The following PSMA6 variants were observed in gnomAD, a reference collection of about 807,000 sequenced individuals.
PSMA6 encodes proteasome subunit alpha type-6.
For missense variants in PSMA6, 170 were observed against 294.8 expected (o/e 0.58, Z 3.10); for synonymous variants, 88 against 97.7 (o/e 0.90, Z 0.59).
At chr14:35,312,199 TAAA>T (rs35606504) in intron 4 of PSMA6, among the ~76,000 whole-genome samples, 24 of 97,384 alleles carry the variant, frequency 2.5e-4, no homozygotes, top group Admixed American at 3.3e-4. Flanking sequence ...CCTCGTCTCC[TAAA>T]AAAAAAAAAA....
intron 5 of PSMA6, chr14:35,314,127 T>C: frequency 3.9e-6 from 1 of 257,284 alleles, no homozygotes; most frequent in Non-Finnish European, 7.2e-6. Context: ...TAAACCTTTT[T>C]GTATAAATCA....
At chr14:35,283,088 C>T (rs928809502) in intron 1 of PSMA6, among the ~76,000 whole-genome samples, 1 of 152,008 alleles carries the variant, frequency 6.6e-6, no homozygotes, top group Admixed American at 6.5e-5. Context: ...CAGGTGTTCA[C>T]TCACCTTGGC....
chr14:35,292,241 G>A (rs573054716), upstream of PSMA6: 168 of 1,250,610 alleles, frequency 1.3e-4, 2 homozygotes, highest in African/African-American at 2.1e-3. Flanking sequence ...GGCCTGCTTG[G>A]CGCAGGCGCA....
intron 1 of PSMA6, among the ~76,000 whole-genome samples, chr14:35,279,958 A>T (rs2051347752): frequency 6.7e-6 from 1 of 149,738 alleles, no homozygotes; most frequent in Non-Finnish European, 1.5e-5. Flanking sequence ...CCCCGTCTCT[A>T]CTAAAAACAC....
chr14:35,291,990 C>T (rs1308081063), upstream of PSMA6, among the ~76,000 whole-genome samples: 3 of 152,100 alleles, frequency 2.0e-5, no homozygotes, highest in African/African-American at 7.2e-5. Context: ...CCTGTTTCCC[C>T]CGTAATAGGA....
chr14:35,298,455 A>T (rs935201100), intron 1 of PSMA6, among the ~76,000 whole-genome samples: 11 of 151,782 alleles, frequency 7.2e-5, no homozygotes, highest in Admixed American at 4.6e-4. Context: ...GCACTGCTGC[A>T]CTCTAGCCTG....
At chr14:35,310,330 G>A (rs975498711) in intron 3 of PSMA6, 2 of 361,934 alleles carry the variant, frequency 5.5e-6, no homozygotes, top group African/African-American at 4.4e-5. Flanking sequence ...CTAATTTTAT[G>A]TTTTTAGTAG....
At chr14:35,301,817 T>C (rs1428254498) in intron 1 of PSMA6, among the ~76,000 whole-genome samples, 1 of 152,232 alleles carries the variant, frequency 6.6e-6, no homozygotes, top group Non-Finnish European at 1.5e-5. Flanking sequence ...CCTTTTGCAT[T>C]ATTTAAGCAA....
intron 1 of PSMA6, among the ~76,000 whole-genome samples, chr14:35,306,602 G>A (rs1199479960): frequency 6.6e-6 from 1 of 152,042 alleles, no homozygotes; most frequent in East Asian, 1.9e-4. Flanking sequence ...TACTCAGGAC[G>A]AGGCCGAGGC....
At chr14:35,286,621 A>G (rs901079624) in intron 1 of PSMA6, among the ~76,000 whole-genome samples, 4 of 152,182 alleles carry the variant, frequency 2.6e-5, no homozygotes, top group Admixed American at 2.0e-4. Flanking sequence ...TTTTGGCTCT[A>G]TAGAGGGGTT....
In PSMA6 at chr14:35,309,002, A is replaced by AATCTGTAGATATACAAGAC. The variant is rs769305081; in HGVS notation, c.253+25_253+43dup. ...GTGATGACCGGAATGACAGGTAATTAATCTGTAGATATACAAGACATCTGT... is the reference window on the plus strand; with the variant it reads ...GTGATGACCGGAATGACAGGTAATTAATCTGTAGATATACAAGACATCTGTAGATATACAAGACATCTGT... On this transcript the variant is annotated splice_region_variant and intron_variant, in intron 3 of 6. Coordinates refer to ENST00000261479, the MANE Select transcript of PSMA6 (RefSeq NM_002791.3). The AATCTGTAGATATACAAGAC allele has an allele frequency of 6.4e-7, 1 of 1,567,260 alleles. No individual in the cohort carries two copies. Among genetic ancestry groups the AATCTGTAGATATACAAGAC allele is most frequent in the South Asian group, 1.1e-5 (1 of 89,044 alleles).
intron 1 of PSMA6, among the ~76,000 whole-genome samples, chr14:35,284,854 T>C (rs1382645555): frequency 6.6e-6 from 1 of 152,234 alleles, no homozygotes; most frequent in Non-Finnish European, 1.5e-5. Flanking sequence ...TACTTGGTAC[T>C]GTGGTAACTG....
At chr14:35,283,482 G>T (rs2051389957) in intron 1 of PSMA6, among the ~76,000 whole-genome samples, 1 of 151,208 alleles carries the variant, frequency 6.6e-6, no homozygotes, top group South Asian at 2.1e-4. Context: ...GGTTGTGGAT[G>T]ATTTTTACTT....
At chr14:35,312,784 A>C in intron 4 of PSMA6, 97 bp from the exon 5 acceptor site, 1 of 1,145,066 alleles carries the variant, frequency 8.7e-7, no homozygotes, top group Non-Finnish European at 1.2e-6. Flanking sequence ...TTGATGGCCA[A>C]AGTCATGATT....
At chr14:35,278,737 C>T (rs1046988328) in intron 1 of PSMA6, 4 of 1,533,508 alleles carry the variant, frequency 2.6e-6, no homozygotes, top group South Asian at 1.2e-5. Context: ...CTCACTCAGA[C>T]TTGTTGCTTG....
At chr14:35,282,230 A>G (rs2138700955) in intron 1 of PSMA6, among the ~76,000 whole-genome samples, 1 of 152,268 alleles carries the variant, frequency 6.6e-6, no homozygotes, top group African/African-American at 2.4e-5. Flanking sequence ...GAAGTAAATA[A>G]CTGTAATTTA....
intron 1 of PSMA6, among the ~76,000 whole-genome samples, chr14:35,303,914 T>C (rs999894274): frequency 6.6e-6 from 1 of 152,140 alleles, no homozygotes; most frequent in Middle Eastern, 3.2e-3. Flanking sequence ...TCTTTCTTTT[T>C]TTTTTTTTAA....
intron 1 of PSMA6, among the ~76,000 whole-genome samples, chr14:35,280,367 A>G (rs566154736): frequency 1.4e-4 from 20 of 146,826 alleles, no homozygotes; most frequent in Non-Finnish European, 1.2e-4. Context: ...TTTTGGTCTC[A>G]TTGTTTCTTT....
chr14:35,313,171 C>T (rs2051977494), intron 5 of PSMA6, 112 bp downstream of exon 5: 1 of 1,026,558 alleles, frequency 9.7e-7, no homozygotes, highest in Admixed American at 3.4e-5. Context: ...TTCAAGTTGT[C>T]AACTTAATAA....
Sources: gnomAD v4.1 joint callset for allele counts (sites outside exome capture counted in the v4.1 genomes callset) on GRCh38, gnomAD v4.1.1 for gene constraint, MANE v1.5 for transcripts, NCBI Gene and HGNC (gene_info 2026-07-23, HGNC 2026-07-21) for gene names.